Variants in PLCB3 observed in about 807,000 individuals in gnomAD.
The protein encoded by PLCB3 is 1-phosphatidylinositol 4,5-bisphosphate phosphodiesterase beta-3.
In PLCB3, 54 loss-of-function variants were observed where a neutral mutation model predicts 152.1. The observed-to-expected ratio is 0.36, with a 90% CI of 0.29 to 0.45. The LOEUF (loss-of-function observed/expected upper bound fraction) is 0.45. Ranked by LOEUF, PLCB3 falls within the 20% of genes least tolerant of loss-of-function variation. The pLI, the probability that PLCB3 is intolerant of heterozygous loss-of-function variation, is 1.00. For synonymous variants in PLCB3, 717 were observed against 698.7 expected (o/e 1.03, Z -0.41); for missense variants, 1,248 against 1,687.5 (o/e 0.74, Z 4.56).
chr11:64,259,945 G>T, intron 13 of PLCB3, 84 bp from the exon 14 acceptor site: 1 of 1,151,866 alleles, frequency 8.7e-7, no homozygotes, highest in East Asian at 2.4e-5. Flanking sequence ...GAGTCACCTC[G>T]GCACACACTG....
chr11:64,257,768 G>A (rs924837643), intron 10 of PLCB3, among the ~76,000 whole-genome samples: 2 of 152,154 alleles, frequency 1.3e-5, no homozygotes, highest in African/African-American at 4.8e-5. Context: ...CATCCTGGGT[G>A]TGAGGAAGAG....
intron 22 of PLCB3, 91 bp from the exon 23 acceptor site, chr11:64,264,858 CAG>C (rs1347858427): frequency 1.7e-5 from 21 of 1,224,424 alleles, no homozygotes; most frequent in Middle Eastern, 4.2e-4. Flanking sequence ...GGGAGGCTGA[CAG>C]GGGTGCTAGG....
chr11:64,254,464 T>G lies in PLCB3; in HGVS notation c.149T>G (p.Phe50Cys), dbSNP rs1489525743. ...LVTLRVDPNG[F>C]FLYWTGPNME... ...ACCCTGCGTGTGGACCCCAATGGCT[T>G]CTTCTTGTACTGGACGGGCCCCAAC... is the stretch of plus-strand genomic sequence containing the variant. The change falls in exon 2 of 31, where the codon TTC becomes TGC. Residue 50 changes from phenylalanine (F) to cysteine (C), a missense_variant. This residue lies in a region of PLCB3 where 299 missense variants were observed against 434.7 expected (regional missense o/e 0.69). Transcript: ENST00000279230. 2.2e-5 allele frequency: 35 copies of G among 1,613,794 alleles called. No individual in the cohort carries two copies. Among genetic ancestry groups the G allele is most frequent in the Non-Finnish European group, 3.0e-5 (35 of 1,179,982 alleles).
rs762352235 is a variant in PLCB3 at position 64,266,200 on chromosome 11, G to A, written c.3264G>A (p.Glu1088=). The A allele has an allele frequency of 3.7e-6, 6 of 1,614,088 alleles. No homozygotes were observed. Among genetic ancestry groups the A allele is most frequent in the Non-Finnish European group, 5.1e-6 (6 of 1,180,006 alleles). ...TCAAGAGGCTGAAAGAGATGAACGA[G>A]AGGTGAAAGCCGAGGATTGTCTATG... ...TQFKRLKEMN[E]REKKELQKIL... The change falls in exon 27 of 31, where the codon GAG becomes GAA. Residue 1088 remains glutamate (E), a splice_region_variant and synonymous_variant. Coordinates refer to ENST00000279230, the MANE Select transcript of PLCB3 (RefSeq NM_000932.5). This position sits in a 1 kb window ranked among gnomAD's most constrained non-coding sequence, Gnocchi z 4.9.
Position 64,254,460 on chromosome 11 carries a change from G to T in PLCB3, c.145G>T (p.Gly49Cys), listed in dbSNP as rs1203753995. Residue 49 changes from glycine (G) to cysteine (C), a missense_variant, in exon 2 of 31, where the codon GGC becomes TGC. By Grantham distance (159) the Gly-to-Cys change is radical. Around this residue, in one of 6 missense-constraint regions of PLCB3, gnomAD observed 299 missense variants for 434.7 expected, o/e 0.69. Coordinates refer to ENST00000279230, the MANE Select transcript of PLCB3 (RefSeq NM_000932.5). The part of the protein sequence containing the change: ...NLVTLRVDPN[G>C]FFLYWTGPNM... ...GGTGACCCTGCGTGTGGACCCCAAT[G>T]GCTTCTTCTTGTACTGGACGGGCCC... 2 of 1,614,010 alleles carry T rather than the reference G, an allele frequency of 1.2e-6. No homozygotes were observed. The highest frequency in any genetic ancestry group is 1.7e-6 in the Non-Finnish European group (2 of 1,179,990).
At chr11:64,259,636 C>G (rs1364481973) in intron 13 of PLCB3, among the ~76,000 whole-genome samples, 1 of 152,088 alleles carries the variant, frequency 6.6e-6, no homozygotes, top group Non-Finnish European at 1.5e-5. Flanking sequence ...GACCTCTGAC[C>G]TCTCACCCCT....
chr11:64,263,710 G>A lies in PLCB3; in HGVS notation c.2475G>A (p.Leu825=). The stretch of plus-strand genomic sequence containing the variant: ...ACCCAGGATACCACTACGTCTGCCT[G>A]CGGAACGAGGCCAACCAACCGCTGT... The part of the protein sequence containing the change: ...AIRSGYHYVC[L]RNEANQPLCL... The change falls in exon 21 of 31, where the codon CTG becomes CTA. Residue 825 remains leucine (L), a synonymous_variant. Coordinates refer to ENST00000279230, the MANE Select transcript of PLCB3 (RefSeq NM_000932.5). The A allele has an allele frequency of 6.2e-7, 1 of 1,613,544 alleles. No homozygotes were observed. Among genetic ancestry groups the A allele is most frequent in the Non-Finnish European group, 8.5e-7 (1 of 1,179,952 alleles).
chr11:64,260,186 T>G lies in PLCB3; in HGVS notation c.1683T>G (p.Asp561Glu). 1 of 1,598,256 alleles carries G rather than the reference T, an allele frequency of 6.3e-7. No individual in the cohort carries two copies. The highest frequency in any genetic ancestry group is 8.5e-7 in the Non-Finnish European group (1 of 1,172,078). The stretch of plus-strand genomic sequence containing the variant: ...CTGACCGTGAGGATGAGGAGGAAGA[T>G]GAGGAAGAGGAGGAACAGACAGACC... ...GPADREDEEE[D>E]EEEEEQTDPK... Residue 561 changes from aspartate to glutamate, a missense_variant, in exon 14 of 31, where the codon GAT (aspartate) becomes GAG (glutamate). Asp to Glu is a conservative substitution (Grantham distance 45). Coordinates refer to ENST00000279230, the MANE Select transcript of PLCB3 (RefSeq NM_000932.5).
Position 64,255,420 on chromosome 11 carries a change from G to A in PLCB3, c.492G>A (p.Val164=), listed in dbSNP as rs1168331148. Reference sequence around the variant, plus strand: ...GATACACGAAGCTGAAGCTGCAGGTGAACCAGGATGGTCGGATCCCCGTCA... The same window carrying A: ...GATACACGAAGCTGAAGCTGCAGGTAAACCAGGATGGTCGGATCCCCGTCA... The part of the protein sequence containing the change: ...RKAYTKLKLQ[V]NQDGRIPVKN... The change falls in exon 6 of 31, where the codon GTG becomes GTA. Residue 164 remains valine (V), a synonymous_variant. Transcript: ENST00000279230. This position sits in a 1 kb window ranked among gnomAD's most constrained non-coding sequence, Gnocchi z 6.8. 1.9e-6 allele frequency: 3 copies of A among 1,614,034 alleles called. No homozygotes were observed. Among genetic ancestry groups the A allele is most frequent in the East Asian group, 2.2e-5 (1 of 44,886 alleles).
rs778415930 is a variant in PLCB3 at position 64,258,847 on chromosome 11, G to C, written c.1254-38G>C. The C allele has an allele frequency of 1.4e-5, 22 of 1,611,028 alleles. No individual in the cohort carries two copies. The highest frequency in any genetic ancestry group is 1.8e-5 in the Non-Finnish European group (21 of 1,177,408). On this transcript the variant is annotated intron_variant, in intron 11 of 30. Coordinates refer to ENST00000279230, the MANE Select transcript of PLCB3 (RefSeq NM_000932.5). The surrounding 1 kb of genome is among the most constrained non-coding windows in gnomAD (Gnocchi z 7.2). ...TCCCGTAGACCTCAGCTTCCTCTCT[G>C]GGGGAGGGATCTCTGACCTCTGACC...
In PLCB3 at chr11:64,256,425, A is replaced by C; in HGVS notation, c.748A>C (p.Ile250Leu). ...GACGCTGGAGCAGCTCATGGACTTC[A>C]TCAACCAGAAGCAACGCGACCCGAG... ...YLTLEQLMDF[I>L]NQKQRDPRLN... Residue 250 changes from isoleucine (I) to leucine (L), a missense_variant, in exon 9 of 31, where the codon ATC becomes CTC. By Grantham distance (5) the Ile-to-Leu change is conservative. Coordinates refer to ENST00000279230, the MANE Select transcript of PLCB3 (RefSeq NM_000932.5). 6.2e-7 allele frequency: 1 copy of C among 1,613,700 alleles called. No individual in the cohort carries two copies. The highest frequency in any genetic ancestry group is 1.1e-5 in the South Asian group (1 of 91,088).
intron 1 of PLCB3, among the ~76,000 whole-genome samples, chr11:64,253,833 T>C (rs906826900): frequency 2.6e-5 from 4 of 152,134 alleles, no homozygotes; most frequent in Non-Finnish European, 5.9e-5. Flanking sequence ...TTCTACGAGA[T>C]GGGGATGAGC....
chr11:64,257,486 G>A (rs373658530), intron 10 of PLCB3, among the ~76,000 whole-genome samples: 1 of 151,960 alleles, frequency 6.6e-6, no homozygotes, highest in Non-Finnish European at 1.5e-5. Context: ...GCATAGTGGC[G>A]CATGCCTGTG....
At position 64,266,017 on chromosome 11, in the gene PLCB3, G is replaced by A. The variant is rs1027121213; in HGVS notation, c.3167G>A (p.Arg1056Gln). Residue 1056 changes from arginine (R) to glutamine (Q), a missense_variant, in exon 26 of 31, where the codon CGG becomes CAG. Arg to Gln is a conservative substitution (Grantham distance 43). Coordinates refer to ENST00000279230, the MANE Select transcript of PLCB3 (RefSeq NM_000932.5). The surrounding 1 kb of genome is among the most constrained non-coding windows in gnomAD (Gnocchi z 4.9). ...REAQVDAEAQ[R>Q]RLEHLRQALQ... ...GCCCAGGTGGACGCAGAGGCCCAGC[G>A]GAGGCTGGAACACCTGAGACAGGTA... 14 of 1,613,940 alleles carry A rather than the reference G, an allele frequency of 8.7e-6. No individual in the cohort carries two copies. Among genetic ancestry groups the A allele is most frequent in the Middle Eastern group, 3.3e-4 (2 of 6,084 alleles).
intron 1 of PLCB3, among the ~76,000 whole-genome samples, chr11:64,254,031 C>T (rs1413819310): frequency 1.3e-5 from 2 of 152,142 alleles, no homozygotes; most frequent in Non-Finnish European, 2.9e-5. Flanking sequence ...GCTCTCAGCA[C>T]TTCTGGGGAA....
chr11:64,266,245 A>T lies in PLCB3; in HGVS notation c.3266+43A>T, dbSNP rs749520858. On this transcript the variant is annotated intron_variant, in intron 27 of 30. Transcript: ENST00000279230. This position sits in a 1 kb window ranked among gnomAD's most constrained non-coding sequence, Gnocchi z 4.9. ...TCTATGGGAAGGGCTGGGGACTTCT[A>T]GTACCAGAAGGAGGGCAGAGTCTGT... The T allele has an allele frequency of 2.5e-6, 4 of 1,613,362 alleles. No individual in the cohort carries two copies. Among genetic ancestry groups the T allele is most frequent in the Non-Finnish European group, 2.5e-6 (3 of 1,179,482 alleles).
intron 1 of PLCB3, among the ~76,000 whole-genome samples, chr11:64,252,305 C>T (rs1470733680): frequency 2.0e-5 from 3 of 152,086 alleles, no homozygotes; most frequent in Non-Finnish European, 4.4e-5. Context: ...ACCCAGTCAC[C>T]CCCTAGTGGA....
chr11:64,257,302 CCTGCAGGGTG>C (rs1206039828), intron 10 of PLCB3, among the ~76,000 whole-genome samples: 1 of 152,122 alleles, frequency 6.6e-6, no homozygotes, highest in East Asian at 1.9e-4. Flanking sequence ...CCTCGCCCAG[CCTGCAGGGTG>C]CTTTTAAGAG....
chr11:64,264,120 G>GGGGCA lies in PLCB3; in HGVS notation c.2652+18_2652+22dup. 1.3e-6 allele frequency: 2 copies of GGGGCA among 1,520,638 alleles called. No homozygotes were observed. Among genetic ancestry groups the GGGGCA allele is most frequent in the Non-Finnish European group, 1.8e-6 (2 of 1,134,412 alleles). 94.2% of individuals were successfully genotyped at this position (1,520,638 alleles called of 1,614,324 possible). ...CTCATTGGGGAGAGTGAGGTGAGCC[G>GGGGCA]GGGCAGGGCAGGGCTCAGGCTCACT... On this transcript the variant is annotated intron_variant, in intron 22 of 30. Transcript: ENST00000279230.
Sources: gnomAD v4.1 joint callset for allele counts (sites outside exome capture counted in the v4.1 genomes callset) on GRCh38, gnomAD v4.1.1 for gene constraint, gnomAD v4.1.1 regional missense constraint, Gnocchi (gnomAD v3.1) non-coding constraint, MANE v1.5 for transcripts, NCBI Gene and HGNC (gene_info 2026-07-23, HGNC 2026-07-21) for gene names.